TATDN1: variants seen among roughly 807,000 people sequenced by gnomAD.
TATDN1 encodes TatD DNase domain containing 1.
Under a neutral mutation model 46.4 loss-of-function variants are expected in TATDN1, and 40 were observed. That is an observed-to-expected ratio of 0.86 (90% CI 0.67 to 1.12). TATDN1 has a LOEUF of 1.12. TATDN1 is among the 50% of genes most tolerant of loss of function. The probability of loss-of-function intolerance (pLI) is 0.00; values close to 1 mark genes in which losing one functional copy is unlikely to be tolerated. For missense variants in TATDN1, 326 were observed against 348.4 expected (o/e 0.94, Z 0.51); for synonymous variants, 95 against 105.6 (o/e 0.90, Z 0.62).
chr8:124,533,080 G>A lies in TATDN1; in HGVS notation c.22+5945C>T, dbSNP rs527833531. Among the ~76,000 whole-genome samples, 479 of 152,118 alleles carry A rather than the reference G, an allele frequency of 3.1e-3. 3 individuals are homozygous for A. The highest frequency in any genetic ancestry group is 6.8e-3 in the Middle Eastern group (2 of 294). ...GTCCTGGCTAACACGGTAAAACCCCGTCTCTACTAAAAATACAAAACATTA... is the reference window on the plus strand; with the variant it reads ...GTCCTGGCTAACACGGTAAAACCCCATCTCTACTAAAAATACAAAACATTA... On this transcript the variant is annotated intron_variant, in intron 1 of 11. Coordinates refer to ENST00000276692, the MANE Select transcript of TATDN1 (RefSeq NM_032026.4).
At position 124,508,588 on chromosome 8, in the gene TATDN1, T is replaced by C; in HGVS notation, c.475+15A>G. On this transcript the variant is annotated intron_variant, in intron 7 of 11. Coordinates refer to ENST00000276692, the MANE Select transcript of TATDN1 (RefSeq NM_032026.4). ...AAATTCTTAAGTTCTGAATGAGACT[T>C]TGGTTTTAACTCACCCAAAAATTCA... 1.2e-6 allele frequency: 2 copies of C among 1,605,806 alleles called. 1 individual carries two copies. The highest frequency in any genetic ancestry group is 2.2e-5 in the South Asian group (2 of 88,892).
intron 1 of TATDN1, among the ~76,000 whole-genome samples, chr8:124,534,145 C>CAAAAAAAAAAAAAAAAAAAAAAAAAA (rs869060230): frequency 2.0e-5 from 1 of 51,250 alleles, no homozygotes. Flanking sequence ...GACTCCGTCT[C>CAAAAAAAAAAAAAAAAAAAAAAAAAA]AAAAAAAAAA....
At position 124,515,893 on chromosome 8, in the gene TATDN1, C is replaced by T. The variant is rs765096907; in HGVS notation, c.340G>A (p.Gly114Arg). Residue 114 changes from glycine (G) to arginine (R), a missense_variant, in exon 5 of 12, where the codon GGA becomes AGA. Gly to Arg is a moderately radical substitution (Grantham distance 125). Coordinates refer to ENST00000276692, the MANE Select transcript of TATDN1 (RefSeq NM_032026.4). ...AGGCGAGGCTGGCACTCACCAAGTC[C>T]GCATTCTCCTATTGCCACAACTTTC... ...KGKVVAIGECGLDFDRLQFCP... is the reference protein window; with the variant it reads ...KGKVVAIGECRLDFDRLQFCP... 6.2e-6 allele frequency: 10 copies of T among 1,613,808 alleles called. No individual in the cohort carries two copies. Among genetic ancestry groups the T allele is most frequent in the Admixed American group, 1.7e-5 (1 of 59,966 alleles).
intron 1 of TATDN1, among the ~76,000 whole-genome samples, chr8:124,526,456 T>C (rs1466696470): frequency 6.6e-6 from 1 of 152,152 alleles, no homozygotes; most frequent in African/African-American, 2.4e-5. Context: ...CTAAAGATAG[T>C]AAGTAGCTTG....
At chr8:124,532,383 A>C (rs1821043229) in intron 1 of TATDN1, among the ~76,000 whole-genome samples, 1 of 152,182 alleles carries the variant, frequency 6.6e-6, no homozygotes, top group South Asian at 2.1e-4. Context: ...TCCCAGGCTC[A>C]AGTGATTCTC....
rs777670297 is a variant in TATDN1 at position 124,508,502 on chromosome 8, CT to C, written c.487del (p.Arg163GlufsTer7). 2.5e-6 allele frequency: 4 copies of C among 1,613,168 alleles called. No homozygotes were observed. In the East Asian group the frequency reaches 8.9e-5, roughly 36 times the overall value. On this transcript the variant is annotated frameshift_variant, in exon 8 of 12. Coordinates refer to ENST00000276692, the MANE Select transcript of TATDN1 (RefSeq NM_032026.4). LOFTEE classifies it high-confidence loss of function. ...TCCCCCTACACACCGATCTCTATTT[CT>C]TTTCATTATGTCTGTGAATTAAAAA... Reference protein sequence around the residue: ...SHAEFLDIMKRNRDRCVGGVV... With the variant: ...SHAEFLDIMKXNRDRCVGGVV...
rs765186874 is a variant in TATDN1 at position 124,515,779 on chromosome 8, C to A, written c.356G>T (p.Arg119Leu). Residue 119 changes from arginine (R) to leucine (L), a missense_variant, in exon 6 of 12, where the codon CGA becomes CTA. Transcript: ENST00000276692. ...AIGECGLDFD[R>L]LQFCPKDTQL... ...AGTATCTTTGGGACAAAACTGCAGT[C>A]GGTCAAAATCTTTAAAAAGATAAAG... 2 of 1,613,598 alleles carry A rather than the reference C, an allele frequency of 1.2e-6. No individual in the cohort carries two copies. Among genetic ancestry groups the A allele is most frequent in the South Asian group, 2.2e-5 (2 of 90,958 alleles).
intron 9 of TATDN1, chr8:124,503,946 A>G (rs535804625): frequency 1.5e-4 from 195 of 1,308,682 alleles, no homozygotes; most frequent in Non-Finnish European, 1.7e-4. Context: ...ATATGTATAC[A>G]TAATGCTGTG....
At chr8:124,503,333 C>A (rs1454334256) in intron 9 of TATDN1, among the ~76,000 whole-genome samples, 1 of 152,140 alleles carries the variant, frequency 6.6e-6, no homozygotes, top group African/African-American at 2.4e-5. Context: ...ATTGCTGCTA[C>A]AAAAGCTGAC....
intron 10 of TATDN1, chr8:124,494,673 T>C (rs1817308340): frequency 6.6e-6 from 1 of 151,898 alleles, no homozygotes; most frequent in Non-Finnish European, 1.5e-5. Context: ...GGCTCCTGAG[T>C]AGCTGGGACT....
At chr8:124,517,200 C>A (rs564121345) in intron 4 of TATDN1, among the ~76,000 whole-genome samples, 1 of 152,210 alleles carries the variant, frequency 6.6e-6, no homozygotes, top group East Asian at 1.9e-4. Flanking sequence ...GAGGGCAAGC[C>A]GGGCAGATCA....
At chr8:124,502,772 T>C (rs1818088871) in intron 9 of TATDN1, among the ~76,000 whole-genome samples, 1 of 152,214 alleles carries the variant, frequency 6.6e-6, no homozygotes, top group Non-Finnish European at 1.5e-5. Flanking sequence ...ACCTCCCTCA[T>C]ATTTTTATTT....
Position 124,493,888 on chromosome 8 carries a change from T to C in TATDN1, c.736A>G (p.Lys246Glu). ...KYIRTAFPTK[K>E]KWESGHCLKD... Reference sequence around the variant, plus strand: ...AAGCAGTGCCCACTTTCCCACTTCTTTTTGGTAGGAAATGCAGTTCTTATA... The same window carrying C: ...AAGCAGTGCCCACTTTCCCACTTCTCTTTGGTAGGAAATGCAGTTCTTATA... The change falls in exon 11 of 12, where the codon AAG (lysine) becomes GAG (glutamate). Residue 246 changes from lysine (K) to glutamate (E), a missense_variant. Coordinates refer to ENST00000276692, the MANE Select transcript of TATDN1 (RefSeq NM_032026.4). The C allele has an allele frequency of 6.2e-7, 1 of 1,612,308 alleles. No homozygotes were observed. The highest frequency in any genetic ancestry group is 1.1e-5 in the South Asian group (1 of 90,944).
rs192082811 is a variant in TATDN1 at position 124,522,749 on chromosome 8, C to T, written c.88+188G>A. ...TTCTTTATTATTTCAATTTTAAGAG[C>T]GGATTATGTTGCCCAGGCTGCTCTT... On this transcript the variant is annotated intron_variant, in intron 2 of 11. Transcript: ENST00000276692. 4.3e-3 allele frequency among the ~76,000 whole-genome samples: 656 copies of T among 151,794 alleles called. 1 individual carries two copies. Among genetic ancestry groups the T allele is most frequent in the Non-Finnish European group, 6.4e-3 (432 of 67,912 alleles).
chr8:124,511,906 G>C (rs751721000), intron 6 of TATDN1, among the ~76,000 whole-genome samples: 7 of 152,062 alleles, frequency 4.6e-5, no homozygotes, highest in Non-Finnish European at 7.4e-5. Context: ...CATTTTAAAG[G>C]GGATGCACAA....
At chr8:124,528,181 CTTTT>C (rs906877937) in intron 1 of TATDN1, among the ~76,000 whole-genome samples, 1 of 148,498 alleles carries the variant, frequency 6.7e-6, no homozygotes, top group South Asian at 2.1e-4. Context: ...CTAACAGTGT[CTTTT>C]TTTTTTGAGA....
chr8:124,493,943 T>G lies in TATDN1; in HGVS notation c.681A>C (p.Gly227=). ...TTGATCCAGCATGTGTACTTTTGACTCCACACCAAGGTGCATCTAGTTAAG... is the reference window on the plus strand; with the variant it reads ...TTGATCCAGCATGTGTACTTTTGACGCCACACCAAGGTGCATCTAGTTAAG... ...LMIETDAPWC[G]VKSTHAGSKY... is the part of the protein sequence containing the mutation. Residue 227 remains glycine, a synonymous_variant, in exon 11 of 12, where the codon GGA becomes GGC. Coordinates refer to ENST00000276692, the MANE Select transcript of TATDN1 (RefSeq NM_032026.4). The G allele has an allele frequency of 6.2e-7, 1 of 1,611,008 alleles. No individual in the cohort carries two copies. The highest frequency in any genetic ancestry group is 8.5e-7 in the Non-Finnish European group (1 of 1,179,318).
intron 10 of TATDN1, 196 bp from the exon 11 acceptor site, chr8:124,494,155 CACTT>C (rs1817258790): frequency 2.4e-6 from 1 of 410,682 alleles, no homozygotes; most frequent in Non-Finnish European, 4.2e-6. Flanking sequence ...TTCTAAGACT[CACTT>C]CTATTCCTTT....
At chr8:124,512,042 T>C (rs191718842) in intron 6 of TATDN1, among the ~76,000 whole-genome samples, 152 of 152,346 alleles carry the variant, frequency 1.0e-3, no homozygotes, top group African/African-American at 3.5e-3. Context: ...ACTACATCTA[T>C]TGTATATTAA....
Sources: allele counts gnomAD v4.1 joint callset (sites outside exome capture counted in the v4.1 genomes callset), GRCh38; gene constraint gnomAD v4.1.1; transcripts MANE v1.5; gene names NCBI Gene and HGNC (gene_info 2026-07-23, HGNC 2026-07-21).